Variants in MTHFD2L observed in about 807,000 individuals in gnomAD.
MTHFD2L encodes the protein methylenetetrahydrofolate dehydrogenase (NADP+ dependent) 2 like.
Under a neutral mutation model 34.9 loss-of-function variants are expected in MTHFD2L, and 29 were observed. That is an observed-to-expected ratio of 0.83 (90% CI 0.62 to 1.13). The LOEUF (loss-of-function observed/expected upper bound fraction) is 1.13, where lower values mean the gene tolerates loss of function less well. Among genes scored for constraint, MTHFD2L ranks in the 50% most tolerant of loss-of-function variants. The probability of loss-of-function intolerance (pLI) is 0.00; values close to 1 mark genes in which losing one functional copy is unlikely to be tolerated. For missense variants in MTHFD2L, 481 were observed against 446.5 expected, an observed-to-expected ratio of 1.08 and a Z score of -0.70; for synonymous variants, 167 against 155.7, an observed-to-expected ratio of 1.07 and a Z score of -0.54.
chr4:74,118,323 G>C (rs886802336), intron 2 of MTHFD2L, among the ~76,000 whole-genome samples: 1 of 152,100 alleles, frequency 6.6e-6, no homozygotes, highest in Admixed American at 6.6e-5. Flanking sequence ...GCTGTTCATT[G>C]GTGCCAGATA....
intron 7 of MTHFD2L, among the ~76,000 whole-genome samples, chr4:74,295,476 A>G (rs1352788621): frequency 3.3e-5 from 5 of 152,098 alleles, no homozygotes; most frequent in Non-Finnish European, 7.4e-5. Context: ...ACCTTAGTGA[A>G]TCTCAATTTA....
chr4:74,166,842 A>G (rs914894695), intron 1 of MTHFD2L, among the ~76,000 whole-genome samples: 11 of 152,178 alleles, frequency 7.2e-5, no homozygotes, highest in African/African-American at 2.4e-4. Context: ...TTCAGGTCCA[A>G]GCCTATCCCC....
At chr4:74,295,157 T>A (rs537591188) in intron 7 of MTHFD2L, among the ~76,000 whole-genome samples, 1 of 152,224 alleles carries the variant, frequency 6.6e-6, no homozygotes, top group Non-Finnish European at 1.5e-5. Flanking sequence ...CAACCTCAGT[T>A]TCTTGACCCC....
intron 5 of MTHFD2L, among the ~76,000 whole-genome samples, chr4:74,221,846 G>A (rs1483562068): frequency 6.7e-6 from 1 of 149,760 alleles, no homozygotes; most frequent in Non-Finnish European, 1.5e-5. Context: ...TATTTAAGAA[G>A]GTTTTTATTA....
chr4:74,301,440 G>T (rs1413585620), intron 7 of MTHFD2L, among the ~76,000 whole-genome samples: 3 of 151,880 alleles, frequency 2.0e-5, no homozygotes, highest in Admixed American at 6.6e-5. Flanking sequence ...AAACTGAGCT[G>T]CATGGAGCTT....
chr4:74,252,070 CACA>C (rs1156687078), intron 6 of MTHFD2L, among the ~76,000 whole-genome samples: 4 of 152,232 alleles, frequency 2.6e-5, no homozygotes, highest in Admixed American at 6.5e-5. Flanking sequence ...GCCATGTCTG[CACA>C]ACTTGTATGG....
chr4:74,238,680 T>C (rs1247672907), intron 6 of MTHFD2L, among the ~76,000 whole-genome samples: 1 of 152,116 alleles, frequency 6.6e-6, no homozygotes, highest in Admixed American at 6.5e-5. Flanking sequence ...GGGCAAAGGA[T>C]ATGAACAGAC....
chr4:74,172,845 G>C (rs892129027), intron 1 of MTHFD2L, among the ~76,000 whole-genome samples: 2 of 152,140 alleles, frequency 1.3e-5, no homozygotes, highest in African/African-American at 4.8e-5. Context: ...TGCTATAATG[G>C]TGTATTTTCG....
intron 5 of MTHFD2L, among the ~76,000 whole-genome samples, chr4:74,203,971 G>A (rs550659693): frequency 6.6e-6 from 1 of 150,798 alleles, no homozygotes; most frequent in African/African-American, 2.4e-5. Flanking sequence ...TCCGTGATTT[G>A]CTCAGTACTT....
chr4:74,119,186 T>C (rs1434092144), upstream of MTHFD2L, among the ~76,000 whole-genome samples: 1 of 152,164 alleles, frequency 6.6e-6, no homozygotes, highest in African/African-American at 2.4e-5. Flanking sequence ...GCTGGCTTTA[T>C]AGTGGCAAGT....
chr4:74,257,887 C>G (rs1039201384), intron 6 of MTHFD2L, among the ~76,000 whole-genome samples: 1 of 152,002 alleles, frequency 6.6e-6, no homozygotes, highest in Admixed American at 6.6e-5. Flanking sequence ...AGTCCACATA[C>G]ACACACACAT....
At chr4:74,255,136 C>CAAAAAAAAAAAAAAAAAAAAAAAAAAAA (rs34300013) in intron 6 of MTHFD2L, among the ~76,000 whole-genome samples, 2 of 69,182 alleles carry the variant, frequency 2.9e-5, no homozygotes, top group Non-Finnish European at 4.8e-5. Context: ...ACTCCATCTC[C>CAAAAAAAAAAAAAAAAAAAAAAAAAAAA]AAAAAAAAAA....
chr4:74,247,724 TC>T (rs1441784054), intron 6 of MTHFD2L, among the ~76,000 whole-genome samples: 1 of 152,216 alleles, frequency 6.6e-6, no homozygotes, highest in African/African-American at 2.4e-5. Context: ...CTTTTCTTCA[TC>T]TATTGAGATA....
chr4:74,262,367 A>T (rs1446033808), intron 6 of MTHFD2L, among the ~76,000 whole-genome samples: 1 of 151,932 alleles, frequency 6.6e-6, no homozygotes, highest in Non-Finnish European at 1.5e-5. Flanking sequence ...TATACAGACA[A>T]ATATGTGAGT....
At chr4:74,214,334 C>T (rs1464454368) in intron 5 of MTHFD2L, among the ~76,000 whole-genome samples, 1 of 151,800 alleles carries the variant, frequency 6.6e-6, no homozygotes, top group Non-Finnish European at 1.5e-5. Context: ...GGTTTTTCCT[C>T]ATCTTCGTGG....
chr4:74,126,383 T>A (rs1054111687), intron 1 of MTHFD2L, among the ~76,000 whole-genome samples: 16 of 152,072 alleles, frequency 1.1e-4, no homozygotes, highest in Non-Finnish European at 1.5e-5. Context: ...TTACTCAATT[T>A]TTGGTGAATC....
At chr4:74,247,576 T>A (rs1233414820) in intron 6 of MTHFD2L, among the ~76,000 whole-genome samples, 2 of 152,320 alleles carry the variant, frequency 1.3e-5, no homozygotes, top group Non-Finnish European at 2.9e-5. Flanking sequence ...AAGGGAATGC[T>A]TCCAGGTTTT....
In MTHFD2L at chr4:74,199,961, G is replaced by A. The variant is rs1296073114; in HGVS notation, c.604+15G>A. The A allele has an allele frequency of 1.2e-6, 2 of 1,613,586 alleles. No individual in the cohort carries two copies. Among genetic ancestry groups the A allele is most frequent in the East Asian group, 2.2e-5 (1 of 44,812 alleles). On this transcript the variant is annotated intron_variant, in intron 4 of 7. Transcript: ENST00000325278. ...AAAAAGAACAGGTTGGTAATTTGTG[G>A]TCTGCAGGACATGGATGCTAGGTGC...
intron 6 of MTHFD2L, among the ~76,000 whole-genome samples, chr4:74,229,602 T>C (rs1007928670): frequency 6.6e-6 from 1 of 152,050 alleles, no homozygotes; most frequent in Non-Finnish European, 1.5e-5. Context: ...AAAGAGGAAA[T>C]CCTGTGTGAA....
Sources: allele counts gnomAD v4.1 joint callset (sites outside exome capture counted in the v4.1 genomes callset), GRCh38; gene constraint gnomAD v4.1.1; transcripts MANE v1.5; gene names NCBI Gene and HGNC (gene_info 2026-07-23, HGNC 2026-07-21).